Variants in GAREM1 observed in about 807,000 individuals in gnomAD.
GAREM1 encodes the protein GRB2 associated regulator of MAPK1 subtype 1, also known as GRB2-associated and regulator of MAPK protein 1.
A neutral mutation model predicts 71.3 loss-of-function variants in GAREM1; 26 were observed. The ratio of observed to expected loss-of-function variants is 0.36; its 90% CI spans 0.27 to 0.51. The LOEUF (loss-of-function observed/expected upper bound fraction) is 0.51. GAREM1 is among the 20% of genes least tolerant of loss of function. The pLI is 0.95. For synonymous variants in GAREM1, 440 were observed against 433.2 expected (o/e 1.02, Z -0.20); for missense variants, 1,026 against 1,103.1 (o/e 0.93, Z 0.99).
intron 1 of GAREM1, among the ~76,000 whole-genome samples, chr18:32,441,993 A>G (rs1225911552): frequency 1.4e-5 from 2 of 146,890 alleles, no homozygotes; most frequent in African/African-American, 5.1e-5. Flanking sequence ...TGCAAATTGT[A>G]ATTTTTTTTT....
chr18:32,464,293 TGTAA>T (rs923387703), intron 1 of GAREM1, among the ~76,000 whole-genome samples: 1 of 151,062 alleles, frequency 6.6e-6, no homozygotes, highest in African/African-American at 2.4e-5. Flanking sequence ...AAAAAAAAGA[TGTAA>T]GTGTCTAAGC....
intron 3 of GAREM1, among the ~76,000 whole-genome samples, chr18:32,299,233 A>T (rs921560335): frequency 3.9e-5 from 6 of 152,134 alleles, no homozygotes; most frequent in African/African-American, 1.4e-4. Context: ...GATTATATCT[A>T]GCCAGGAGCG....
rs368677307 is a variant in GAREM1, at chr18:32,440,267, A to G, written c.121+30041T>C. On this transcript the variant is annotated intron_variant, in intron 1 of 5. Transcript: ENST00000269209. ...AAGAAAGTGAGGTACAGAGAAATTAAATAACTTGCTTAAGATCACACGGCT... is the reference window on the plus strand; with the variant it reads ...AAGAAAGTGAGGTACAGAGAAATTAGATAACTTGCTTAAGATCACACGGCT... Among the ~76,000 whole-genome samples, 4 of 152,298 alleles carry G rather than the reference A, an allele frequency of 2.6e-5. No homozygotes were observed. In the East Asian group the frequency reaches 7.7e-4, roughly 29 times the overall value.
intron 2 of GAREM1, among the ~76,000 whole-genome samples, chr18:32,378,771 T>C (rs571307411): frequency 6.6e-6 from 1 of 152,284 alleles, no homozygotes; most frequent in East Asian, 1.9e-4. Flanking sequence ...TCCTGACTCA[T>C]ACAGCCTGCC....
At chr18:32,463,922 C>G (rs952915049) in intron 1 of GAREM1, among the ~76,000 whole-genome samples, 1 of 149,934 alleles carries the variant, frequency 6.7e-6, no homozygotes, top group African/African-American at 2.5e-5. Context: ...TCCTGCTAAC[C>G]ATTATACAAC....
intron 1 of GAREM1, among the ~76,000 whole-genome samples, chr18:32,466,678 T>C (rs2049002123): frequency 6.6e-6 from 1 of 152,152 alleles, no homozygotes; most frequent in Non-Finnish European, 1.5e-5. Flanking sequence ...TGAGGATGGT[T>C]GGGGGTGGAG....
intron 3 of GAREM1, among the ~76,000 whole-genome samples, chr18:32,295,332 T>C (rs1339318930): frequency 6.6e-6 from 1 of 152,198 alleles, no homozygotes; most frequent in Admixed American, 6.5e-5. Flanking sequence ...CACATGATCA[T>C]AGTACACTTA....
chr18:32,460,872 AC>A (rs1405248558), intron 1 of GAREM1, among the ~76,000 whole-genome samples: 4 of 152,240 alleles, frequency 2.6e-5, no homozygotes, highest in Admixed American at 1.3e-4. Flanking sequence ...AAATCCAGTG[AC>A]ATGGAAACAC....
chr18:32,470,493 G>A lies in GAREM1; in HGVS notation c.-65C>T, dbSNP rs1233157897. 2.6e-6 allele frequency: 3 copies of A among 1,151,442 alleles called. No homozygotes were observed. Among genetic ancestry groups the A allele is most frequent in the African/African-American group, 3.3e-5 (2 of 61,314 alleles). 71.3% of individuals were successfully genotyped at this position (1,151,442 alleles called of 1,614,324 possible). A position where few individuals can be genotyped will look rare whatever the true frequency, so the allele number is the denominator to read the frequency against. On this transcript the variant is annotated 5_prime_UTR_variant, in exon 1 of 6. Transcript: ENST00000269209. This position sits in a 1 kb window ranked among gnomAD's most constrained non-coding sequence, Gnocchi z 4.4. The stretch of plus-strand genomic sequence containing the variant: ...CCACCGGCACCACCCGCGCCTCGGC[G>A]GCCGCCGCTGCTCGCGCTCGCGGTC...
chr18:32,457,153 T>C (rs886290300), intron 1 of GAREM1, among the ~76,000 whole-genome samples: 2 of 130,152 alleles, frequency 1.5e-5, no homozygotes, highest in Non-Finnish European at 3.2e-5. Context: ...AATGCCACTA[T>C]TATGTAAAAT....
At chr18:32,272,624 G>T (rs58018218) in intron 4 of GAREM1, among the ~76,000 whole-genome samples, 2,131 of 151,638 alleles carry the variant, frequency 0.014, 52 homozygotes, top group African/African-American at 0.049. Context: ...ACCATTCTGG[G>T]GTCTTTTTTT....
In GAREM1 at chr18:32,278,054, C is replaced by T. The variant is rs77965992; in HGVS notation, c.1567-7671G>A. Among the ~76,000 whole-genome samples, 511 of 152,326 alleles carry T rather than the reference C, an allele frequency of 3.4e-3. 2 individuals are homozygous for T. The highest frequency in any genetic ancestry group is 5.6e-3 in the Non-Finnish European group (384 of 68,038). The stretch of plus-strand genomic sequence containing the variant: ...TTTCTTGGAAAGCCTTTGTTTTTCA[C>T]AACTTCTGACTCCTCTGTTCTGTGG... On this transcript the variant is annotated intron_variant, in intron 4 of 5. Coordinates refer to ENST00000269209, the MANE Select transcript of GAREM1 (RefSeq NM_001242409.2).
At chr18:32,446,535 CA>C (rs1294999181) in intron 1 of GAREM1, among the ~76,000 whole-genome samples, 3 of 152,076 alleles carry the variant, frequency 2.0e-5, no homozygotes, top group Admixed American at 2.0e-4. Context: ...TAGAGAGAAA[CA>C]AATTCAGAAA....
intron 2 of GAREM1, among the ~76,000 whole-genome samples, chr18:32,357,286 G>A (rs2047815806): frequency 6.6e-6 from 1 of 152,104 alleles, no homozygotes; most frequent in Non-Finnish European, 1.5e-5. Context: ...AGACCAGCAT[G>A]GGCAACACAG....
chr18:32,394,261 G>A (rs2048230265), intron 1 of GAREM1, among the ~76,000 whole-genome samples: 1 of 152,070 alleles, frequency 6.6e-6, no homozygotes, highest in Admixed American at 6.6e-5. Flanking sequence ...AATTTGTCGG[G>A]TGTGGTGGCA....
intron 2 of GAREM1, among the ~76,000 whole-genome samples, chr18:32,322,358 T>C (rs2047436790): frequency 6.6e-6 from 1 of 152,220 alleles, no homozygotes; most frequent in Non-Finnish European, 1.5e-5. Flanking sequence ...CTCATCACGC[T>C]AAAATCCATC....
At chr18:32,360,282 C>CT (rs1359251498) in intron 2 of GAREM1, among the ~76,000 whole-genome samples, 9 of 151,878 alleles carry the variant, frequency 5.9e-5, no homozygotes, top group African/African-American at 2.2e-4. Context: ...AATTAAGGAA[C>CT]TTTTTTTCTG....
intron 2 of GAREM1, among the ~76,000 whole-genome samples, chr18:32,349,987 G>A (rs969808827): frequency 6.6e-6 from 1 of 152,230 alleles, no homozygotes; most frequent in African/African-American, 2.4e-5. Context: ...GGCTCCAAGT[G>A]TCTGAAGCAG....
chr18:32,458,580 T>C (rs2048920162), intron 1 of GAREM1, among the ~76,000 whole-genome samples: 1 of 151,872 alleles, frequency 6.6e-6, no homozygotes, highest in African/African-American at 2.4e-5. Flanking sequence ...ACCGGAAGAT[T>C]ATTTATAAAC....
Sources: gnomAD v4.1 joint callset for allele counts (sites outside exome capture counted in the v4.1 genomes callset) on GRCh38, gnomAD v4.1.1 for gene constraint, Gnocchi (gnomAD v3.1) non-coding constraint, MANE v1.5 for transcripts, NCBI Gene and HGNC (gene_info 2026-07-23, HGNC 2026-07-21) for gene names.